GPRC6A: variants seen among roughly 807,000 people sequenced by gnomAD.
GPRC6A encodes the protein G protein-coupled receptor family C group 6 member A.
A neutral mutation model predicts 47.0 loss-of-function variants in GPRC6A; 54 were observed. The observed-to-expected ratio is 1.15, with a 90% CI of 0.92 to 1.44. GPRC6A has a LOEUF of 1.44. Among genes scored for constraint, GPRC6A ranks in the 40% most tolerant of loss-of-function variants. The probability of loss-of-function intolerance (pLI) is 0.00; values close to 1 mark genes in which losing one functional copy is unlikely to be tolerated. For synonymous variants in GPRC6A, 347 were observed against 377.1 expected (o/e 0.92, Z 0.93); for missense variants, 1,112 against 1,105.5 (o/e 1.01, Z -0.08).
At position 116,795,717 on chromosome 6, in the gene GPRC6A, T is replaced by G. The variant is rs761155582; in HGVS notation, c.1667A>C (p.Gln556Pro). Residue 556 changes from glutamine (Q) to proline (P), a missense_variant, in exon 5 of 6, where the codon CAG becomes CCG. Physicochemically the swap from Gln to Pro is moderately conservative, Grantham distance 76. Coordinates refer to ENST00000310357, the MANE Select transcript of GPRC6A (RefSeq NM_148963.4). The part of the protein sequence containing the change: ...QNCPENHYTN[Q>P]TDMPHCLLCN... Reference sequence around the variant, plus strand: ...TGTGGAGTGACTGTGATTACCTGTCTGATTAGTGTAATGATTTTCAGGACA... The same window carrying G: ...TGTGGAGTGACTGTGATTACCTGTCGGATTAGTGTAATGATTTTCAGGACA... 6 of 1,608,456 alleles carry G rather than the reference T, an allele frequency of 3.7e-6. No individual in the cohort carries two copies. In the African/African-American group the frequency reaches 6.7e-5, roughly 18 times the overall value.
At position 116,792,444 on chromosome 6, in the gene GPRC6A, A is replaced by G. The variant is rs1313464247; in HGVS notation, c.2479T>C (p.Tyr827His). 6.2e-7 allele frequency: 1 copy of G among 1,613,884 alleles called. No individual in the cohort carries two copies. Among genetic ancestry groups the G allele is most frequent in the Non-Finnish European group, 8.5e-7 (1 of 1,179,894 alleles). ...VILISNYGILYCTFIPKCYVI... is the reference protein window; with the variant it reads ...VILISNYGILHCTFIPKCYVI... ...TAGCATTTGGGGATGAATGTGCAAT[A>G]CAGGATTCCATAGTTAGATATTAAT... The change falls in exon 6 of 6, where the codon TAT (tyrosine) becomes CAT (histidine). Residue 827 changes from tyrosine to histidine, a missense_variant. Coordinates refer to ENST00000310357, the MANE Select transcript of GPRC6A (RefSeq NM_148963.4).
At chr6:116,810,330 T>C (rs1772984052) in intron 1 of GPRC6A, among the ~76,000 whole-genome samples, 1 of 152,176 alleles carries the variant, frequency 6.6e-6, no homozygotes, top group Non-Finnish European at 1.5e-5. Flanking sequence ...TTCTAGTTTC[T>C]TTTTAGTTCA....
chr6:116,824,075 C>G (rs914826934), intron 1 of GPRC6A, among the ~76,000 whole-genome samples: 1 of 151,832 alleles, frequency 6.6e-6, no homozygotes, highest in Admixed American at 6.6e-5. Context: ...CAATAACATA[C>G]CAAAGCCAGT....
At chr6:116,795,657 GA>G (rs566487235) in intron 5 of GPRC6A, 54 bp downstream of exon 5, 256 of 1,357,532 alleles carry the variant, frequency 1.9e-4, no homozygotes, top group South Asian at 7.8e-4. Flanking sequence ...TTCATGCAAA[GA>G]AAAAAAAAGC....
At chr6:116,829,132 G>A, upstream of GPRC6A, 5 of 1,131,590 alleles carry the variant, frequency 4.4e-6, no homozygotes, top group Middle Eastern at 6.0e-4. Context: ...AGTGTCAAAG[G>A]CCAGAAACAC....
intron 5 of GPRC6A, 40 bp downstream of exon 5, chr6:116,795,672 A>C (rs2114578124): frequency 2.0e-6 from 3 of 1,471,432 alleles, no homozygotes; most frequent in Admixed American, 2.2e-5. Context: ...AAAAAGCCTA[A>C]GAGGAATGAT....
chr6:116,792,292 AT>A lies in GPRC6A; in HGVS notation c.2630del (p.Asn877MetfsTer4). 6.2e-7 allele frequency: 1 copy of A among 1,614,054 alleles called. No homozygotes were observed. Among genetic ancestry groups the A allele is most frequent in the Non-Finnish European group, 8.5e-7 (1 of 1,179,952 alleles). On this transcript the variant is annotated frameshift_variant, in exon 6 of 6. Transcript: ENST00000310357. LOFTEE classifies it low-confidence loss of function (END_TRUNC). ...TAGAGCTGGGATTGGTCATTGTGACATTGCCGCTCATGGAGTCCAGTGAAGC... is the reference window on the plus strand; with the variant it reads ...TAGAGCTGGGATTGGTCATTGTGACATGCCGCTCATGGAGTCCAGTGAAGC... ...SPASLDSMSG[N>X]VTMTNPSSSG...
At chr6:116,810,537 T>G (rs1053216068) in intron 1 of GPRC6A, among the ~76,000 whole-genome samples, 2 of 151,644 alleles carry the variant, frequency 1.3e-5, no homozygotes, top group African/African-American at 2.4e-5. Context: ...TCTTCTCCCC[T>G]CCCTAAAAGA....
Position 116,792,983 on chromosome 6 carries a change from G to C in GPRC6A, c.1940C>G (p.Thr647Arg). ...TTGTGGTTCTCCAATGAAAAAGCTC[G>C]TGCTGGCAAAATTGAGGAAATGACA... is the stretch of plus-strand genomic sequence containing the variant. ...LLCHFLNFAS[T>R]SFFIGEPQDF... The change falls in exon 6 of 6, where the codon ACG becomes AGG. Residue 647 changes from threonine (T) to arginine (R), a missense_variant. Physicochemically the swap from Thr to Arg is moderately conservative, Grantham distance 71 (BLOSUM62 -1). Coordinates refer to ENST00000310357, the MANE Select transcript of GPRC6A (RefSeq NM_148963.4). 1.9e-6 allele frequency: 3 copies of C among 1,614,058 alleles called. No individual in the cohort carries two copies. Among genetic ancestry groups the C allele is most frequent in the Non-Finnish European group, 2.5e-6 (3 of 1,179,982 alleles).
At chr6:116,828,276 C>G (rs1773734369) in intron 1 of GPRC6A, among the ~76,000 whole-genome samples, 1 of 152,070 alleles carries the variant, frequency 6.6e-6, no homozygotes, top group Admixed American at 6.6e-5. Flanking sequence ...CATAGGTAAG[C>G]TCTCACGACA....
intron 1 of GPRC6A, among the ~76,000 whole-genome samples, chr6:116,816,635 CT>C: frequency 6.6e-6 from 1 of 152,266 alleles, no homozygotes; most frequent in Non-Finnish European, 1.5e-5. Flanking sequence ...CCGGGTTCAT[CT>C]CACTAGGGAG....
At chr6:116,804,243 G>A (rs553024095) in intron 3 of GPRC6A, among the ~76,000 whole-genome samples, 2 of 152,070 alleles carry the variant, frequency 1.3e-5, no homozygotes, top group Non-Finnish European at 2.9e-5. Flanking sequence ...AAACAAGCAC[G>A]ACTGTGGTGT....
chr6:116,810,912 T>G (rs2114601824), intron 1 of GPRC6A, among the ~76,000 whole-genome samples: 1 of 152,186 alleles, frequency 6.6e-6, no homozygotes, highest in East Asian at 1.9e-4. Flanking sequence ...CACACAAGTG[T>G]CCCAAGAACC....
chr6:116,827,047 G>A (rs928387141), intron 1 of GPRC6A, among the ~76,000 whole-genome samples: 2 of 151,822 alleles, frequency 1.3e-5, no homozygotes, highest in African/African-American at 4.8e-5. Context: ...CTAGAGGATG[G>A]GAAGGTGGGT....
Position 116,806,683 on chromosome 6 carries a change from T to C in GPRC6A, c.1022A>G (p.Gln341Arg). 1 of 1,613,608 alleles carries C rather than the reference T, an allele frequency of 6.2e-7. No individual in the cohort carries two copies. Among genetic ancestry groups the C allele is most frequent in the Non-Finnish European group, 8.5e-7 (1 of 1,179,784 alleles). The change falls in exon 3 of 6, where the codon CAA (glutamine) becomes CGA (arginine). Residue 341 changes from glutamine to arginine, a missense_variant. Physicochemically the swap from Gln to Arg is conservative, Grantham distance 43 (BLOSUM62 1). Transcript: ENST00000310357. ...GTCACTGGGAAGCAAGTGCAGATTT[T>C]GAAGAAAGGAATGGAAAGAGGATAT... ...GNISSFHSFL[Q>R]NLHLLPSDSH...
Position 116,792,799 on chromosome 6 carries a change from GATA to G in GPRC6A, c.2121_2123del (p.Ile708del). 1 of 1,614,074 alleles carries G rather than the reference GATA, an allele frequency of 6.2e-7. No individual in the cohort carries two copies. Among genetic ancestry groups the G allele is most frequent in the Non-Finnish European group, 8.5e-7 (1 of 1,179,972 alleles). ...CAACCTGGATGCCCGTGCAAGTGAA[GATA>G]ATAAGGATCGGTCTATAGAGGCACT... is the stretch of plus-strand genomic sequence containing the variant. On this transcript the variant is annotated inframe_deletion, in exon 6 of 6. Coordinates refer to ENST00000310357, the MANE Select transcript of GPRC6A (RefSeq NM_148963.4).
intron 1 of GPRC6A, among the ~76,000 whole-genome samples, chr6:116,819,506 A>C (rs375812481): frequency 6.6e-6 from 1 of 152,120 alleles, no homozygotes; most frequent in Non-Finnish European, 1.5e-5. Context: ...ATAACAAACT[A>C]TCTCTCAGAC....
rs1254491251 is a variant in GPRC6A, at chr6:116,792,443, T to C, written c.2480A>G (p.Tyr827Cys). The C allele has an allele frequency of 6.2e-7, 1 of 1,614,028 alleles. No individual in the cohort carries two copies. ...VILISNYGILYCTFIPKCYVI... is the reference protein window; with the variant it reads ...VILISNYGILCCTFIPKCYVI... ...ATAGCATTTGGGGATGAATGTGCAA[T>C]ACAGGATTCCATAGTTAGATATTAA... The change falls in exon 6 of 6, where the codon TAT (tyrosine) becomes TGT (cysteine). Residue 827 changes from tyrosine (Y) to cysteine (C), a missense_variant. Tyr to Cys is a radical substitution (Grantham distance 194). Transcript: ENST00000310357.
intron 3 of GPRC6A, among the ~76,000 whole-genome samples, chr6:116,804,953 A>G (rs1325938930): frequency 6.6e-6 from 1 of 152,018 alleles, no homozygotes; most frequent in Non-Finnish European, 1.5e-5. Context: ...CTGTAGTCTA[A>G]TTTTAAAAAT....
Sources: gnomAD v4.1 joint callset for allele counts (sites outside exome capture counted in the v4.1 genomes callset) on GRCh38, gnomAD v4.1.1 for gene constraint, MANE v1.5 for transcripts, NCBI Gene and HGNC (gene_info 2026-07-23, HGNC 2026-07-21) for gene names.